The following CX3CL1 variants were observed in gnomAD, a reference collection of about 807,000 sequenced individuals.
The protein encoded by CX3CL1 is fractalkine.
In CX3CL1, 1 loss-of-function variant was observed where a neutral mutation model predicts 14.1. That is an observed-to-expected ratio of 0.07 (90% CI 0.03 to 0.34). CX3CL1 has a LOEUF of 0.34. Among genes scored for constraint, CX3CL1 ranks in the 10% least tolerant of loss-of-function variants. The pLI, the probability that CX3CL1 is intolerant of heterozygous loss-of-function variation, is 0.99. For missense variants in CX3CL1, 505 were observed against 536.4 expected, an observed-to-expected ratio of 0.94 and a Z score of 0.58; for synonymous variants, 255 against 229.6, an observed-to-expected ratio of 1.11 and a Z score of -1.00.
chr16:57,382,854 G>A lies in CX3CL1; in HGVS notation c.1016G>A (p.Arg339Gln), dbSNP rs1476959507. Residue 339 changes from arginine to glutamine, a missense_variant, in exon 3 of 3, where the codon CGG becomes CAG. Physicochemically the swap from Arg to Gln is conservative, Grantham distance 43 (BLOSUM62 1). Coordinates refer to ENST00000006053, the MANE Select transcript of CX3CL1 (RefSeq NM_002996.6). The surrounding 1 kb of genome is among the most constrained non-coding windows in gnomAD (Gnocchi z 6.9). ...GTCCCTGACGCCCAGGCTGCCACCC[G>A]GAGGCAGGCGGTGGGGCTGCTGGCC... ...TPVPDAQAAT[R>Q]RQAVGLLAFL... 12 of 1,557,438 alleles carry A rather than the reference G, an allele frequency of 7.7e-6. No individual in the cohort carries two copies. The highest frequency in any genetic ancestry group is 3.7e-5 in the Admixed American group (2 of 53,468).
intron 2 of CX3CL1, among the ~76,000 whole-genome samples, chr16:57,380,795 G>A (rs1479498927): frequency 6.6e-6 from 1 of 152,110 alleles, no homozygotes; most frequent in African/African-American, 2.4e-5. Flanking sequence ...CCTTTCCCCA[G>A]GACTGACTTT....
At chr16:57,376,509 T>C (rs983037848) in intron 1 of CX3CL1, among the ~76,000 whole-genome samples, 4 of 148,066 alleles carry the variant, frequency 2.7e-5, no homozygotes, top group Admixed American at 2.0e-4. Context: ...GATGGATGAA[T>C]GGATGGATGG....
In CX3CL1 at chr16:57,382,466, TG is replaced by T. The variant is rs1902341341; in HGVS notation, c.631del (p.Ala211LeufsTer218). ...SAPHQPGPSLWAEAKTSEAPS... is the reference protein window; with the variant it reads ...SAPHQPGPSLXAEAKTSEAPS... ...TCCCCACCAACCTGGGCCCAGCCTC[TG>T]GGCTGAGGCAAAGACCTCTGAGGCC... On this transcript the variant is annotated frameshift_variant, in exon 3 of 3. Coordinates refer to ENST00000006053, the MANE Select transcript of CX3CL1 (RefSeq NM_002996.6). LOFTEE classifies it low-confidence loss of function (END_TRUNC). The surrounding 1 kb of genome is among the most constrained non-coding windows in gnomAD (Gnocchi z 6.9). 1 of 1,612,798 alleles carries T rather than the reference TG, an allele frequency of 6.2e-7. No homozygotes were observed. The highest frequency in any genetic ancestry group is 8.5e-7 in the Non-Finnish European group (1 of 1,179,816).
At chr16:57,374,494 G>T (rs746118175) in intron 1 of CX3CL1, among the ~76,000 whole-genome samples, 2 of 152,122 alleles carry the variant, frequency 1.3e-5, no homozygotes, top group Non-Finnish European at 2.9e-5. Flanking sequence ...TAGCCTACCC[G>T]CCTCATTAGC....
In CX3CL1 at chr16:57,382,706, C is replaced by T; in HGVS notation, c.868C>T (p.Pro290Ser). The change falls in exon 3 of 3, where the codon CCT (proline) becomes TCT (serine). Residue 290 changes from proline to serine, a missense_variant. Transcript: ENST00000006053. The surrounding 1 kb of genome is among the most constrained non-coding windows in gnomAD (Gnocchi z 6.9). ...PGSMAHVSVVPVSSEGTPSRE... is the reference protein window; with the variant it reads ...PGSMAHVSVVSVSSEGTPSRE... ...CAGCATGGCCCACGTCTCTGTGGTCCCTGTCTCCTCAGAAGGGACCCCCAG... is the reference window on the plus strand; with the variant it reads ...CAGCATGGCCCACGTCTCTGTGGTCTCTGTCTCCTCAGAAGGGACCCCCAG... 1.2e-6 allele frequency: 2 copies of T among 1,612,860 alleles called. No homozygotes were observed. Among genetic ancestry groups the T allele is most frequent in the African/African-American group, 2.7e-5 (2 of 75,004 alleles).
chr16:57,379,226 T>C, intron 1 of CX3CL1: 1 of 203,336 alleles, frequency 4.9e-6, no homozygotes, highest in Non-Finnish European at 9.7e-6. Context: ...TTCGGGAGTC[T>C]GAGGCAGGAG....
intron 2 of CX3CL1, among the ~76,000 whole-genome samples, chr16:57,380,864 G>A (rs571550054): frequency 1.2e-3 from 188 of 152,242 alleles, no homozygotes; most frequent in South Asian, 2.3e-3. Flanking sequence ...ATGGCCAATG[G>A]CCCTTTGCTT....
chr16:57,372,544 C>T lies in CX3CL1; in HGVS notation c.-25C>T, dbSNP rs1394885788. On this transcript the variant is annotated 5_prime_UTR_variant, in exon 1 of 3. Coordinates refer to ENST00000006053, the MANE Select transcript of CX3CL1 (RefSeq NM_002996.6). ...GCTCTAGCCGCCTGCCTGGCCCCCG[C>T]CGGGACTCTTGCCCACCCTCAGCCA... 6.2e-7 allele frequency: 1 copy of T among 1,608,506 alleles called. No individual in the cohort carries two copies. Among genetic ancestry groups the T allele is most frequent in the South Asian group, 1.1e-5 (1 of 91,042 alleles).
At position 57,382,094 on chromosome 16, in the gene CX3CL1, A is replaced by T; in HGVS notation, c.256A>T (p.Met86Leu). ...DPKEQWVKDA[M>L]QHLDRQAAAL... ...GAAGGAGCAATGGGTCAAGGACGCG[A>T]TGCAGCATCTGGACCGCCAGGCTGC... The change falls in exon 3 of 3, where the codon ATG (methionine) becomes TTG (leucine). Residue 86 changes from methionine to leucine, a missense_variant. Transcript: ENST00000006053. The surrounding 1 kb of genome is among the most constrained non-coding windows in gnomAD (Gnocchi z 6.9). The T allele has an allele frequency of 6.2e-7, 1 of 1,613,808 alleles. No individual in the cohort carries two copies. Among genetic ancestry groups the T allele is most frequent in the Admixed American group, 1.7e-5 (1 of 59,992 alleles).
At chr16:57,374,878 T>C (rs543542996) in intron 1 of CX3CL1, among the ~76,000 whole-genome samples, 44 of 152,284 alleles carry the variant, frequency 2.9e-4, no homozygotes, top group South Asian at 1.9e-3. Flanking sequence ...CAGGGGCTCA[T>C]GCCTGTAATC....
At chr16:57,378,534 G>C (rs887889056) in intron 1 of CX3CL1, 9 of 150,836 alleles carry the variant, frequency 6.0e-5, no homozygotes, top group African/African-American at 2.2e-4. Flanking sequence ...TATGATCTCA[G>C]CTCACTGCAA....
chr16:57,378,957 C>G (rs551592865), intron 1 of CX3CL1: 1 of 152,218 alleles, frequency 6.6e-6, no homozygotes, highest in Non-Finnish European at 1.5e-5. Flanking sequence ...TGCTCCATCA[C>G]TTGCTGGCTG....
Position 57,382,092 on chromosome 16 carries a change from C to A in CX3CL1, c.254C>A (p.Ala85Glu). The change falls in exon 3 of 3, where the codon GCG becomes GAG. Residue 85 changes from alanine to glutamate, a missense_variant. Transcript: ENST00000006053. This position sits in a 1 kb window ranked among gnomAD's most constrained non-coding sequence, Gnocchi z 6.9. ...CCGAAGGAGCAATGGGTCAAGGACGCGATGCAGCATCTGGACCGCCAGGCT... is the reference window on the plus strand; with the variant it reads ...CCGAAGGAGCAATGGGTCAAGGACGAGATGCAGCATCTGGACCGCCAGGCT... Reference protein sequence around the residue: ...ADPKEQWVKDAMQHLDRQAAA... With the variant: ...ADPKEQWVKDEMQHLDRQAAA... 6.2e-7 allele frequency: 1 copy of A among 1,613,586 alleles called. No homozygotes were observed. The highest frequency in any genetic ancestry group is 8.5e-7 in the Non-Finnish European group (1 of 1,179,722).
intron 2 of CX3CL1, among the ~76,000 whole-genome samples, chr16:57,381,204 C>A (rs865986695): frequency 6.6e-6 from 1 of 152,122 alleles, no homozygotes; most frequent in Non-Finnish European, 1.5e-5. Flanking sequence ...TGGTAGCCAC[C>A]TTGTGGAATG....
In CX3CL1 at chr16:57,379,585, C is replaced by A. The variant is rs1902291228; in HGVS notation, c.71-49C>A. 9 of 1,612,304 alleles carry A rather than the reference C, an allele frequency of 5.6e-6. No individual in the cohort carries two copies. The Admixed American group carries it at 1.3e-4, about 24-fold the overall frequency. On this transcript the variant is annotated intron_variant, in intron 1 of 2. Transcript: ENST00000006053. ...GACAATCTGGCACGGGGTTGGGAAG[C>A]CAGATGCCCACAGACATCCCTGCTG...
At chr16:57,375,274 C>G (rs537945142) in intron 1 of CX3CL1, among the ~76,000 whole-genome samples, 1 of 152,028 alleles carries the variant, frequency 6.6e-6, no homozygotes, top group African/African-American at 2.4e-5. Context: ...GGGGTGAGGG[C>G]GGGAGCCATG....
intron 1 of CX3CL1, among the ~76,000 whole-genome samples, chr16:57,374,523 G>A (rs566824386): frequency 6.6e-6 from 1 of 152,270 alleles, no homozygotes; most frequent in Admixed American, 6.5e-5. Flanking sequence ...TGGATGGGGA[G>A]GGCATGGGAG....
intron 2 of CX3CL1, among the ~76,000 whole-genome samples, chr16:57,381,787 T>C (rs975599796): frequency 2.0e-5 from 3 of 152,088 alleles, no homozygotes; most frequent in Admixed American, 1.3e-4. Context: ...CCAATTTTTC[T>C]GGGATGGCTG....
rs1328367528 is a variant in CX3CL1, at chr16:57,382,497, C to T, written c.659C>T (p.Ser220Phe). The T allele has an allele frequency of 6.2e-7, 1 of 1,612,784 alleles. No individual in the cohort carries two copies. The highest frequency in any genetic ancestry group is 8.5e-7 in the Non-Finnish European group (1 of 1,179,692). Residue 220 changes from serine to phenylalanine, a missense_variant, in exon 3 of 3, where the codon TCC becomes TTC. Coordinates refer to ENST00000006053, the MANE Select transcript of CX3CL1 (RefSeq NM_002996.6). This position sits in a 1 kb window ranked among gnomAD's most constrained non-coding sequence, Gnocchi z 6.9. ...GAGGCAAAGACCTCTGAGGCCCCGT[C>T]CACCCAGGACCCCTCCACCCAGGCC... ...WAEAKTSEAP[S>F]TQDPSTQAST...
Sources: allele counts gnomAD v4.1 joint callset (sites outside exome capture counted in the v4.1 genomes callset), GRCh38; gene constraint gnomAD v4.1.1; non-coding constraint Gnocchi (gnomAD v3.1); transcripts MANE v1.5; gene names NCBI Gene and HGNC (gene_info 2026-07-23, HGNC 2026-07-21).